TENM4: variants seen among roughly 807,000 people sequenced by gnomAD.
TENM4 encodes teneurin transmembrane protein 4.
In TENM4, 82 loss-of-function variants were observed where a neutral mutation model predicts 243.3. That is an observed-to-expected ratio of 0.34 (90% CI 0.28 to 0.40). The LOEUF is 0.40. Ranked by LOEUF, TENM4 falls within the 10% of genes least tolerant of loss-of-function variation. TENM4 has a pLI of 1.00. For missense variants in TENM4, 3,138 were observed against 3,673.3 expected, an observed-to-expected ratio of 0.85 and a Z score of 3.77; for synonymous variants, 1,412 against 1,456.3, an observed-to-expected ratio of 0.97 and a Z score of 0.69.
In TENM4 at chr11:79,225,206, G is replaced by T. The variant is rs75703842; in HGVS notation, c.-264-9297C>A. ...CACTCAGTTTGTAGCACTTTGTTCC[G>T]TCAGCCCTAGGAAATCCACAGAGTG... On this transcript the variant is annotated intron_variant, in intron 2 of 33. Transcript: ENST00000278550. Among the ~76,000 whole-genome samples the T allele has an allele frequency of 2.9e-3, 447 of 152,256 alleles. 1 individual carries two copies. Among genetic ancestry groups the T allele is most frequent in the African/African-American group, 0.01 (421 of 41,544 alleles).
At chr11:79,335,681 G>T (rs1305215895) in intron 1 of TENM4, among the ~76,000 whole-genome samples, 1 of 152,156 alleles carries the variant, frequency 6.6e-6, no homozygotes, top group African/African-American at 2.4e-5. Flanking sequence ...TTCCACCTCA[G>T]TCTTTCACAT....
At chr11:78,864,183 G>T (rs1036941781) in intron 9 of TENM4, among the ~76,000 whole-genome samples, 3 of 152,126 alleles carry the variant, frequency 2.0e-5, no homozygotes, top group South Asian at 2.1e-4. Flanking sequence ...TGGATCGGGG[G>T]ATAGGAGGGA....
chr11:79,039,744 T>C (rs912158154), intron 6 of TENM4, among the ~76,000 whole-genome samples: 3 of 152,158 alleles, frequency 2.0e-5, no homozygotes, highest in Admixed American at 6.5e-5. Flanking sequence ...GGCACGTGTA[T>C]ACCTATGTAA....
chr11:78,802,226 G>A lies in TENM4; in HGVS notation c.2179+3066C>T, dbSNP rs115875935. Among the ~76,000 whole-genome samples, 645 of 152,358 alleles carry A rather than the reference G, an allele frequency of 4.2e-3. 4 individuals carry two copies. Among genetic ancestry groups the A allele is most frequent in the African/African-American group, 0.015 (618 of 41,586 alleles). On this transcript the variant is annotated intron_variant, in intron 15 of 33. Transcript: ENST00000278550. ...TCAATGAAAGTGCCCTTGGAAGGGA[G>A]GTGGTAGAAAGACATTAAGTGCTTA...
chr11:79,265,864 T>A (rs752751959), intron 2 of TENM4, among the ~76,000 whole-genome samples: 3 of 152,204 alleles, frequency 2.0e-5, no homozygotes, highest in Non-Finnish European at 4.4e-5. Context: ...CCAGGGTATT[T>A]TCTTGTAAAT....
intron 9 of TENM4, among the ~76,000 whole-genome samples, chr11:78,864,505 G>C (rs150962025): frequency 7.0e-6 from 1 of 143,424 alleles, no homozygotes; most frequent in Non-Finnish European, 1.5e-5. Context: ...AGTCTTGTAC[G>C]ACAATCTAGA....
intron 6 of TENM4, among the ~76,000 whole-genome samples, chr11:78,919,675 G>A (rs658312): frequency 0.24 from 36,089 of 152,052 alleles, 4,458 homozygotes; most frequent in Middle Eastern, 0.31. Context: ...TCATTAAGAC[G>A]TCTGAATGCC....
chr11:79,193,866 G>A (rs868054110), intron 3 of TENM4, among the ~76,000 whole-genome samples: 2 of 152,318 alleles, frequency 1.3e-5, no homozygotes, highest in Middle Eastern at 6.8e-3. Context: ...AAGGATGGGA[G>A]TGTTTGGAGG....
intron 2 of TENM4, among the ~76,000 whole-genome samples, chr11:79,289,107 T>G (rs962887897): frequency 2.6e-5 from 4 of 152,198 alleles, no homozygotes; most frequent in African/African-American, 4.8e-5. Flanking sequence ...ACACCATCAA[T>G]AAATGTTTCC....
At chr11:78,811,577 C>CAT (rs35344850) in intron 14 of TENM4, among the ~76,000 whole-genome samples, 88,444 of 149,628 alleles carry the variant, frequency 0.59, 28,606 homozygotes, top group Non-Finnish European at 0.76. Context: ...TGAACACACA[C>CAT]ACACACACAC....
intron 1 of TENM4, among the ~76,000 whole-genome samples, chr11:79,360,463 A>G (rs943580253): frequency 6.6e-6 from 1 of 152,340 alleles, no homozygotes; most frequent in East Asian, 1.9e-4. Context: ...GTAGGAATTT[A>G]TCTTTGATCA....
intron 20 of TENM4, among the ~76,000 whole-genome samples, chr11:78,733,221 A>T (rs1855707641): frequency 6.6e-6 from 1 of 152,216 alleles, no homozygotes; most frequent in Non-Finnish European, 1.5e-5. Flanking sequence ...GTGAAAGGAG[A>T]ACCAGAAGAC....
intron 6 of TENM4, among the ~76,000 whole-genome samples, chr11:78,993,090 A>G (rs1291405241): frequency 1.3e-5 from 2 of 152,190 alleles, no homozygotes; most frequent in Non-Finnish European, 2.9e-5. Flanking sequence ...ACTATTGGCA[A>G]CATGTTGTGA....
intron 2 of TENM4, among the ~76,000 whole-genome samples, chr11:79,217,640 G>C (rs535203034): frequency 1.3e-5 from 2 of 152,216 alleles, no homozygotes. Context: ...TATTAGGCAG[G>C]AACATTCAGC....
At chr11:78,671,765 CT>C (rs1215275449) in intron 31 of TENM4, among the ~76,000 whole-genome samples, 3 of 152,220 alleles carry the variant, frequency 2.0e-5, no homozygotes, top group Non-Finnish European at 1.5e-5. Flanking sequence ...GAGTCCTGCT[CT>C]GCAAATCCAG....
chr11:78,917,954 G>T (rs1421499294), intron 6 of TENM4, among the ~76,000 whole-genome samples: 1 of 152,126 alleles, frequency 6.6e-6, no homozygotes, highest in Non-Finnish European at 1.5e-5. Flanking sequence ...CTAAGAACAC[G>T]CATGACACAC....
At chr11:79,192,715 C>G (rs1049726023) in intron 3 of TENM4, among the ~76,000 whole-genome samples, 13 of 151,706 alleles carry the variant, frequency 8.6e-5, no homozygotes, top group African/African-American at 2.9e-4. Context: ...GCCAAATCCC[C>G]CTCTGTGAGA....
rs1445076147 is a variant in TENM4, at chr11:79,395,393, C to A, written c.-321+45116G>T. Among the ~76,000 whole-genome samples, 14 of 152,306 alleles carry A rather than the reference C, an allele frequency of 9.2e-5. 1 individual carries two copies. Among genetic ancestry groups the A allele is most frequent in the African/African-American group, 3.4e-4 (14 of 41,562 alleles). On this transcript the variant is annotated intron_variant, in intron 1 of 33. Coordinates refer to ENST00000278550, the MANE Select transcript of TENM4 (RefSeq NM_001098816.3). ...AGGGGTGAATCACACAGACTCCATT[C>A]CTAACTGCACAGAGTTCACAGTCTA... is the stretch of plus-strand genomic sequence containing the variant.
At chr11:78,780,440 A>T (rs1382798347) in intron 16 of TENM4, among the ~76,000 whole-genome samples, 3 of 152,192 alleles carry the variant, frequency 2.0e-5, no homozygotes, top group Non-Finnish European at 4.4e-5. Context: ...CCCAATTATA[A>T]GTTCTTATAA....
Sources: gnomAD v4.1 joint callset for allele counts (sites outside exome capture counted in the v4.1 genomes callset) on GRCh38, gnomAD v4.1.1 for gene constraint, MANE v1.5 for transcripts, NCBI Gene and HGNC (gene_info 2026-07-23, HGNC 2026-07-21) for gene names.